Variants in FAM81A observed in about 807,000 individuals in gnomAD.
FAM81A encodes the protein family with sequence similarity 81 member A.
In FAM81A, 19 loss-of-function variants were observed where a neutral mutation model predicts 46.7. That is an observed-to-expected ratio of 0.41 (90% CI 0.28 to 0.60). The LOEUF is 0.60. Ranked by LOEUF, FAM81A falls within the 20% of genes least tolerant of loss-of-function variation. The pLI is 0.34. For synonymous variants in FAM81A, 183 were observed against 152.9 expected, an observed-to-expected ratio of 1.20 and a Z score of -1.45; for missense variants, 377 against 453.5, an observed-to-expected ratio of 0.83 and a Z score of 1.53.
chr15:59,459,866 A>G, intron 2 of FAM81A, 67 bp from the exon 3 acceptor site: 1 of 1,473,322 alleles, frequency 6.8e-7, no homozygotes, highest in Non-Finnish European at 9.0e-7. Flanking sequence ...CTTCTCTGGG[A>G]AGTTTTGAAT....
intron 8 of FAM81A, among the ~76,000 whole-genome samples, chr15:59,520,471 C>G (rs1346860617): frequency 6.6e-6 from 1 of 151,658 alleles, no homozygotes; most frequent in Non-Finnish European, 1.5e-5. Flanking sequence ...CTCTATTAAT[C>G]TGGATCAGTT....
chr15:59,515,875 T>C (rs1023768591), intron 7 of FAM81A, among the ~76,000 whole-genome samples: 3 of 152,178 alleles, frequency 2.0e-5, no homozygotes, highest in Non-Finnish European at 4.4e-5. Flanking sequence ...AGTCTGGGTA[T>C]AGGTAATGCA....
chr15:59,461,185 C>G (rs377408696), intron 3 of FAM81A, among the ~76,000 whole-genome samples: 2 of 152,344 alleles, frequency 1.3e-5, no homozygotes, highest in East Asian at 3.9e-4. Context: ...TACCCCAGCC[C>G]AGGCAACCAC....
In FAM81A at chr15:59,492,384, G is replaced by A; in HGVS notation, c.408G>A (p.Val136=). ...LSGLGDLRGR[V]ARCDASIARL... is the part of the protein sequence containing the mutation. Reference sequence around the variant, plus strand: ...GTTTGGGAGATCTTCGAGGAAGAGTGGCAAGGTAGGTGTTCAAATGTTGGG... The same window carrying A: ...GTTTGGGAGATCTTCGAGGAAGAGTAGCAAGGTAGGTGTTCAAATGTTGGG... The change falls in exon 4 of 9, where the codon GTG becomes GTA. Residue 136 remains valine (V), a synonymous_variant. Transcript: ENST00000288228. 5.6e-6 allele frequency: 9 copies of A among 1,612,264 alleles called. No individual in the cohort carries two copies. The highest frequency in any genetic ancestry group is 7.6e-6 in the Non-Finnish European group (9 of 1,179,080).
intron 1 of FAM81A, among the ~76,000 whole-genome samples, chr15:59,441,731 C>G (rs896610841): frequency 3.0e-4 from 46 of 152,352 alleles, no homozygotes; most frequent in African/African-American, 1.1e-3. Flanking sequence ...CTGTATCTCC[C>G]TGTCTCCATG....
chr15:59,513,651 T>C (rs1432257974), intron 6 of FAM81A, among the ~76,000 whole-genome samples: 1 of 152,106 alleles, frequency 6.6e-6, no homozygotes, highest in South Asian at 2.1e-4. Flanking sequence ...TAGTTGGAAA[T>C]TGATATTGTA....
Position 59,516,647 on chromosome 15 carries a change from A to C in FAM81A, c.789A>C (p.Gly263=). The change falls in exon 8 of 9, where the codon GGA becomes GGC. Residue 263 remains glycine (G), a splice_region_variant and synonymous_variant. Coordinates refer to ENST00000288228, the MANE Select transcript of FAM81A (RefSeq NM_152450.3). ...QLSLIVKENS[G]ASERDMEKKL... ...GCAGTTCTTATCATGGATCTCAGGGAGCCAGTGAAAGGGATATGGAGAAGA... is the reference window on the plus strand; with the variant it reads ...GCAGTTCTTATCATGGATCTCAGGGCGCCAGTGAAAGGGATATGGAGAAGA... 6.2e-7 allele frequency: 1 copy of C among 1,609,390 alleles called. No homozygotes were observed. Among genetic ancestry groups the C allele is most frequent in the Non-Finnish European group, 8.5e-7 (1 of 1,178,750 alleles).
At chr15:59,464,086 G>C (rs1238314534) in intron 3 of FAM81A, among the ~76,000 whole-genome samples, 1 of 152,026 alleles carries the variant, frequency 6.6e-6, no homozygotes, top group Non-Finnish European at 1.5e-5. Context: ...TTCTGTTCCT[G>C]GCTTATTTCA....
At chr15:59,508,605 G>T (rs530824407) in intron 5 of FAM81A, among the ~76,000 whole-genome samples, 1 of 152,278 alleles carries the variant, frequency 6.6e-6, no homozygotes, top group Admixed American at 6.5e-5. Context: ...TAGGAATTGG[G>T]CTTGCTCCTC....
In FAM81A at chr15:59,472,567, T is replaced by C. The variant is rs569513295; in HGVS notation, c.294+12361T>C. On this transcript the variant is annotated intron_variant, in intron 3 of 8. Transcript: ENST00000288228. Reference sequence around the variant, plus strand: ...TGTTCCTTTCCCCATTCCTTTTTTTTTTTTTTAAATGTTTTCTGGAGACGG... The same window carrying C: ...TGTTCCTTTCCCCATTCCTTTTTTTCTTTTTTAAATGTTTTCTGGAGACGG... Among the ~76,000 whole-genome samples the C allele has an allele frequency of 1.0e-3, 155 of 152,142 alleles. 1 individual carries two copies. The highest frequency in any genetic ancestry group is 3.1e-3 in the African/African-American group (127 of 41,518).
chr15:59,500,653 C>G (rs2082081781), intron 4 of FAM81A, among the ~76,000 whole-genome samples: 1 of 151,000 alleles, frequency 6.6e-6, no homozygotes, highest in African/African-American at 2.5e-5. Flanking sequence ...TTACTGGTGT[C>G]TCATTTTTTT....
At chr15:59,489,251 C>T (rs1375190867) in intron 3 of FAM81A, among the ~76,000 whole-genome samples, 2 of 150,590 alleles carry the variant, frequency 1.3e-5, no homozygotes, top group Non-Finnish European at 2.9e-5. Context: ...GACAACAGAG[C>T]GAGACTCCAT....
At chr15:59,512,385 T>C (rs545631606) in intron 6 of FAM81A, among the ~76,000 whole-genome samples, 1 of 136,720 alleles carries the variant, frequency 7.3e-6, no homozygotes, top group African/African-American at 2.8e-5. Flanking sequence ...GGCCGGAGAA[T>C]CACTTGAACC....
intron 1 of FAM81A, among the ~76,000 whole-genome samples, chr15:59,398,896 A>G (rs1699107919): frequency 6.7e-6 from 1 of 150,214 alleles, no homozygotes; most frequent in Non-Finnish European, 1.5e-5. Context: ...TCGGCCAGGT[A>G]TGATGGCTCA....
chr15:59,424,582 C>T lies in FAM81A; in HGVS notation c.-78+22224C>T, dbSNP rs151140035. ...CTTGACAAGTCCAAAACTAAGCTCT[C>T]GATATCCACCACTGAATCTGCTTTT... is the stretch of plus-strand genomic sequence containing the variant. On this transcript the variant is annotated intron_variant, in intron 2 of 4. Transcript: ENST00000558348. Among the ~76,000 whole-genome samples, 185 of 152,310 alleles carry T rather than the reference C, an allele frequency of 1.2e-3. 1 individual carries two copies. The highest frequency in any genetic ancestry group is 3.4e-3 in the Middle Eastern group (1 of 294).
At chr15:59,513,485 T>C (rs2082235147) in intron 6 of FAM81A, among the ~76,000 whole-genome samples, 1 of 152,176 alleles carries the variant, frequency 6.6e-6, no homozygotes, top group South Asian at 2.1e-4. Context: ...TGCCGCGTAC[T>C]CCTCGTGGGT....
At chr15:59,454,093 C>A (rs2081453218) in intron 1 of FAM81A, among the ~76,000 whole-genome samples, 1 of 152,220 alleles carries the variant, frequency 6.6e-6, no homozygotes. Flanking sequence ...ATCCAGCTGT[C>A]TTTCCAGACA....
At chr15:59,436,433 G>A (rs1418856636), upstream of FAM81A, among the ~76,000 whole-genome samples, 2 of 152,118 alleles carry the variant, frequency 1.3e-5, no homozygotes, top group Admixed American at 6.6e-5. Context: ...GCGGGGAAAG[G>A]GTAGAGTAAT....
At chr15:59,515,857 A>T (rs577384886) in intron 7 of FAM81A, among the ~76,000 whole-genome samples, 1 of 152,180 alleles carries the variant, frequency 6.6e-6, no homozygotes, top group Non-Finnish European at 1.5e-5. Flanking sequence ...TTTATTTCGC[A>T]TAATGGAAGT....
Sources: gnomAD v4.1 joint callset for allele counts (sites outside exome capture counted in the v4.1 genomes callset) on GRCh38, gnomAD v4.1.1 for gene constraint, MANE v1.5 for transcripts, NCBI Gene and HGNC (gene_info 2026-07-23, HGNC 2026-07-21) for gene names.